DENND2B: variants seen among roughly 807,000 people sequenced by gnomAD.
DENND2B encodes the protein DENN domain-containing protein 2B.
In DENND2B, 32 loss-of-function variants were observed where a neutral mutation model predicts 116.0. That is an observed-to-expected ratio of 0.28 (90% CI 0.21 to 0.37). DENND2B has a LOEUF of 0.37. Ranked by LOEUF, DENND2B falls within the 10% of genes least tolerant of loss-of-function variation. The pLI is 1.00. For missense variants in DENND2B, 1,276 were observed against 1,477.7 expected (o/e 0.86, Z 2.24); for synonymous variants, 588 against 583.9 (o/e 1.01, Z -0.10).
chr11:8,713,690 A>T (rs2044201984), intron 8 of DENND2B, among the ~76,000 whole-genome samples: 2 of 150,528 alleles, frequency 1.3e-5, no homozygotes, highest in Non-Finnish European at 3.0e-5. Flanking sequence ...GAGATCTACA[A>T]CATTTACCAG....
intron 4 of DENND2B, among the ~76,000 whole-genome samples, chr11:8,821,447 C>T (rs1429045649): frequency 6.7e-6 from 1 of 150,296 alleles, no homozygotes; most frequent in African/African-American, 2.4e-5. Flanking sequence ...AAAAAATTAG[C>T]ACAAGCCTGT....
At chr11:8,871,458 G>A (rs2063780738), upstream of DENND2B, 1 of 152,028 alleles carries the variant, frequency 6.6e-6, no homozygotes, top group Non-Finnish European at 1.5e-5. Flanking sequence ...ATCACTGGAG[G>A]AAAAAAGCGG....
At chr11:8,906,625 C>T (rs1219729875) in intron 1 of DENND2B, among the ~76,000 whole-genome samples, 1 of 151,936 alleles carries the variant, frequency 6.6e-6, no homozygotes, top group Non-Finnish European at 1.5e-5. Context: ...ATCATTCCTG[C>T]TCTGCAACCA....
intron 2 of DENND2B, among the ~76,000 whole-genome samples, chr11:8,867,404 G>A (rs775636833): frequency 1.4e-4 from 21 of 152,084 alleles, no homozygotes; most frequent in Non-Finnish European, 2.2e-4. Flanking sequence ...CTAAATCCTG[G>A]CTTTCCTATC....
intron 1 of DENND2B, among the ~76,000 whole-genome samples, chr11:8,882,463 G>C (rs2063913412): frequency 6.6e-6 from 1 of 152,156 alleles, no homozygotes; most frequent in Admixed American, 6.6e-5. Context: ...TGAGCCTCTT[G>C]AAAGCATGGG....
chr11:8,719,215 C>T, intron 4 of DENND2B: 1 of 985,440 alleles, frequency 1.0e-6, no homozygotes, highest in Non-Finnish European at 1.2e-6. Context: ...GGGAGAAGAG[C>T]CAATCCCTAT....
intron 2 of DENND2B, among the ~76,000 whole-genome samples, chr11:8,860,746 A>G (rs2063363752): frequency 1.3e-5 from 2 of 152,256 alleles, no homozygotes. Context: ...AGCAATCCTG[A>G]GCAAAAAGAA....
At chr11:8,796,509 A>C (rs980582239) in intron 1 of DENND2B, among the ~76,000 whole-genome samples, 2 of 152,244 alleles carry the variant, frequency 1.3e-5, no homozygotes, top group East Asian at 1.9e-4. Context: ...ACTGCACTCC[A>C]GCTTGGGTGA....
chr11:8,817,109 C>A (rs527241847), intron 4 of DENND2B, among the ~76,000 whole-genome samples: 6 of 152,222 alleles, frequency 3.9e-5, no homozygotes, highest in Non-Finnish European at 8.8e-5. Flanking sequence ...TAGGAAATGG[C>A]CTGGAAGAGG....
At chr11:8,746,890 T>G (rs746566530) in intron 2 of DENND2B, among the ~76,000 whole-genome samples, 3 of 152,152 alleles carry the variant, frequency 2.0e-5, no homozygotes, top group Non-Finnish European at 4.4e-5. Context: ...TTCCTACTAG[T>G]TTTGTATCCT....
chr11:8,851,037 T>C (rs913846101), intron 3 of DENND2B, among the ~76,000 whole-genome samples: 2 of 152,062 alleles, frequency 1.3e-5, no homozygotes, highest in African/African-American at 4.8e-5. Flanking sequence ...GATGAAGGGA[T>C]TGGGGTGATG....
At chr11:8,725,140 T>C (rs1311619687) in intron 4 of DENND2B, among the ~76,000 whole-genome samples, 1 of 152,210 alleles carries the variant, frequency 6.6e-6, no homozygotes, top group Admixed American at 6.5e-5. Context: ...ACTGAATGTT[T>C]CTGTCCCCCA....
chr11:8,718,033 A>G (rs1421244343), intron 4 of DENND2B, 141 bp from the exon 5 acceptor site: 1 of 903,378 alleles, frequency 1.1e-6, no homozygotes, highest in Non-Finnish European at 1.6e-6. Flanking sequence ...TGAGTCATGC[A>G]GCTGCCCGTC....
At chr11:8,893,608 C>A (rs1014833240) in intron 1 of DENND2B, among the ~76,000 whole-genome samples, 3 of 152,122 alleles carry the variant, frequency 2.0e-5, no homozygotes, top group Admixed American at 6.5e-5. Flanking sequence ...CAATAACAGA[C>A]AAACAGAGAG....
chr11:8,861,679 T>C (rs1043644661), intron 2 of DENND2B, among the ~76,000 whole-genome samples: 4 of 152,210 alleles, frequency 2.6e-5, no homozygotes, highest in African/African-American at 4.8e-5. Context: ...ATTGCACTAC[T>C]GGGTATCTAC....
intron 1 of DENND2B, among the ~76,000 whole-genome samples, chr11:8,769,948 T>C (rs1035081687): frequency 2.6e-5 from 4 of 152,074 alleles, no homozygotes; most frequent in African/African-American, 7.2e-5. Flanking sequence ...CTGGGTAACA[T>C]AGTGAGGCTC....
chr11:8,769,206 C>T (rs2056427891), intron 1 of DENND2B, among the ~76,000 whole-genome samples: 1 of 151,842 alleles, frequency 6.6e-6, no homozygotes, highest in African/African-American at 2.4e-5. Flanking sequence ...ACACAGTCTC[C>T]ACTGCCAAGG....
intron 19 of DENND2B, chr11:8,694,608 CTCCATA>C (rs1479305198): frequency 2.2e-6 from 1 of 456,400 alleles, no homozygotes; most frequent in East Asian, 6.9e-5. Flanking sequence ...ACAGCCTGTC[CTCCATA>C]TCCATGAGTT....
chr11:8,784,965 A>C (rs561602521), intron 1 of DENND2B, among the ~76,000 whole-genome samples: 1 of 152,286 alleles, frequency 6.6e-6, no homozygotes, highest in African/African-American at 2.4e-5. Context: ...ACAGGGAAGT[A>C]ATGGCTCTGT....
Sources: gnomAD v4.1 joint callset for allele counts (sites outside exome capture counted in the v4.1 genomes callset) on GRCh38, gnomAD v4.1.1 for gene constraint, MANE v1.5 for transcripts, NCBI Gene and HGNC (gene_info 2026-07-23, HGNC 2026-07-21) for gene names.